Variants in MGLL observed in about 807,000 individuals in gnomAD.
MGLL encodes the protein monoglyceride lipase.
MGLL carries 7 observed loss-of-function variants against 29.1 expected under a neutral mutation model. The ratio of observed to expected loss-of-function variants is 0.24; its 90% confidence interval spans 0.14 to 0.45. The LOEUF (loss-of-function observed/expected upper bound fraction) is 0.45, where lower values mean the gene tolerates loss of function less well. MGLL is among the 20% of genes least tolerant of loss of function. The probability of loss-of-function intolerance (pLI) is 0.99; values close to 1 mark genes in which losing one functional copy is unlikely to be tolerated. For synonymous variants in MGLL, 148 were observed against 168.3 expected (o/e 0.88, Z 0.93); for missense variants, 356 against 413.6 (o/e 0.86, Z 1.21).
intron 5 of MGLL, among the ~76,000 whole-genome samples, chr3:127,719,946 C>T (rs1576499605): frequency 6.6e-6 from 1 of 152,156 alleles, no homozygotes; most frequent in African/African-American, 2.4e-5. Context: ...TTTGCCAAGC[C>T]GAGCCCCATT....
chr3:127,700,736 C>T lies in MGLL; in HGVS notation c.601-5546G>A, dbSNP rs375946066. Among the ~76,000 whole-genome samples the T allele has an allele frequency of 3.1e-4, 47 of 152,322 alleles. 1 individual carries two copies. In the South Asian group the frequency reaches 9.5e-3, roughly 31 times the overall value. ...GGCCACCTGCTGGCCAAGACAGTGTCCACAATGGGAATGAGACTTAGGACC... is the reference window on the plus strand; with the variant it reads ...GGCCACCTGCTGGCCAAGACAGTGTTCACAATGGGAATGAGACTTAGGACC... On this transcript the variant is annotated intron_variant, in intron 6 of 7. Transcript: ENST00000265052.
intron 3 of MGLL, among the ~76,000 whole-genome samples, chr3:127,731,631 G>A (rs879322689): frequency 1.3e-5 from 2 of 152,110 alleles, no homozygotes; most frequent in African/African-American, 4.8e-5. Flanking sequence ...GCATCTGAGA[G>A]CCCTGAAATT....
intron 3 of MGLL, among the ~76,000 whole-genome samples, chr3:127,773,993 C>G (rs747199884): frequency 6.6e-6 from 1 of 152,222 alleles, no homozygotes; most frequent in Non-Finnish European, 1.5e-5. Flanking sequence ...TGTCTTCGCA[C>G]AGCAGCCTCA....
intron 3 of MGLL, among the ~76,000 whole-genome samples, chr3:127,724,863 G>A (rs1263320105): frequency 1.3e-5 from 2 of 151,324 alleles, no homozygotes; most frequent in South Asian, 2.1e-4. Flanking sequence ...CCCTGGGGAC[G>A]TAGTATCACT....
At chr3:127,781,246 GTATGTA>G (rs1249585088) in intron 3 of MGLL, among the ~76,000 whole-genome samples, 2 of 152,208 alleles carry the variant, frequency 1.3e-5, no homozygotes, top group Non-Finnish European at 2.9e-5. Context: ...GTGTGCATGT[GTATGTA>G]TATGTGTATG....
chr3:127,735,850 A>G (rs1475037024), intron 3 of MGLL: 2 of 1,596,398 alleles, frequency 1.3e-6, no homozygotes, highest in Non-Finnish European at 1.7e-6. Flanking sequence ...TTCTGAATCT[A>G]GTCTGCATCT....
At chr3:127,811,748 T>A (rs2077666722) in intron 2 of MGLL, among the ~76,000 whole-genome samples, 1 of 152,244 alleles carries the variant, frequency 6.6e-6, no homozygotes, top group Admixed American at 6.5e-5. Context: ...TGAGAAAGCA[T>A]GATAAACCAC....
At chr3:127,780,777 A>C (rs1454377492) in intron 3 of MGLL, among the ~76,000 whole-genome samples, 1 of 152,242 alleles carries the variant, frequency 6.6e-6, no homozygotes, top group Non-Finnish European at 1.5e-5. Context: ...CTTTTCAGAG[A>C]CATCACTTAA....
intron 2 of MGLL, among the ~76,000 whole-genome samples, chr3:127,818,101 C>T (rs912451012): frequency 6.6e-6 from 1 of 152,186 alleles, no homozygotes; most frequent in Non-Finnish European, 1.5e-5. Flanking sequence ...GCGGGGGCTA[C>T]AGGCGTCTGC....
intron 2 of MGLL, among the ~76,000 whole-genome samples, chr3:127,790,962 G>T (rs897767487): frequency 5.3e-5 from 8 of 152,140 alleles, no homozygotes; most frequent in Non-Finnish European, 1.0e-4. Context: ...CGGCCCCAGT[G>T]CGGTGAGGCC....
rs769336592 is a variant in MGLL, at chr3:127,822,366, G to A, written c.-48C>T. The A allele has an allele frequency of 4.3e-6, 7 of 1,609,524 alleles. No homozygotes were observed. The highest frequency in any genetic ancestry group is 1.7e-5 in the Admixed American group (1 of 60,008). On this transcript the variant is annotated 5_prime_UTR_variant, in exon 1 of 8. Coordinates refer to ENST00000265052, the MANE Select transcript of MGLL (RefSeq NM_007283.7). Reference sequence around the variant, plus strand: ...ACAACCACGACAGCCTGGAGAATCAGAACCAGGCAAATCGGGCTGTTCCCT... The same window carrying A: ...ACAACCACGACAGCCTGGAGAATCAAAACCAGGCAAATCGGGCTGTTCCCT...
At chr3:127,742,043 G>T (rs1236756647) in intron 3 of MGLL, among the ~76,000 whole-genome samples, 1 of 152,118 alleles carries the variant, frequency 6.6e-6, no homozygotes, top group African/African-American at 2.4e-5. Context: ...GATGTCTATG[G>T]AATTCTCAAG....
At chr3:127,796,027 T>C (rs780159454) in intron 2 of MGLL, among the ~76,000 whole-genome samples, 4 of 152,170 alleles carry the variant, frequency 2.6e-5, no homozygotes, top group Non-Finnish European at 4.4e-5. Context: ...CATCTTCCCA[T>C]GGAAATAGCA....
chr3:127,720,834 G>C lies in MGLL; in HGVS notation c.510+219C>G, dbSNP rs144694532. On this transcript the variant is annotated intron_variant, in intron 5 of 7. Coordinates refer to ENST00000265052, the MANE Select transcript of MGLL (RefSeq NM_007283.7). ...TCATCAATAAAACATGCACAAACAG[G>C]AAGGCATTGTCTTTTTGTCTTGGGG... Among the ~76,000 whole-genome samples the C allele has an allele frequency of 7.8e-3, 1,186 of 152,286 alleles. 16 individuals carry two copies. Among genetic ancestry groups the C allele is most frequent in the African/African-American group, 0.026 (1,093 of 41,546 alleles).
intron 3 of MGLL, among the ~76,000 whole-genome samples, chr3:127,780,642 T>C (rs1394393202): frequency 6.6e-6 from 1 of 152,244 alleles, no homozygotes; most frequent in Non-Finnish European, 1.5e-5. Flanking sequence ...CAAATCACAT[T>C]TGCAGCTCTT....
chr3:127,808,411 G>C (rs115973520), intron 2 of MGLL, among the ~76,000 whole-genome samples: 1 of 152,194 alleles, frequency 6.6e-6, no homozygotes. Context: ...AACTTCAGAG[G>C]AGAAAAGTGA....
chr3:127,696,782 C>T (rs1452701591), intron 6 of MGLL, among the ~76,000 whole-genome samples: 1 of 151,950 alleles, frequency 6.6e-6, no homozygotes, highest in East Asian at 1.9e-4. Flanking sequence ...GGAGGGGCCA[C>T]GTGGTGAGGA....
chr3:127,784,446 G>A (rs566524783), intron 2 of MGLL, among the ~76,000 whole-genome samples: 10 of 152,324 alleles, frequency 6.6e-5, no homozygotes, highest in African/African-American at 2.4e-4. Flanking sequence ...AGCCATCGTA[G>A]AAACTTAGAG....
At chr3:127,707,509 T>C (rs1413376119) in intron 6 of MGLL, among the ~76,000 whole-genome samples, 1 of 152,262 alleles carries the variant, frequency 6.6e-6, no homozygotes, top group Non-Finnish European at 1.5e-5. Flanking sequence ...CCTAAATATA[T>C]TGACAAACAT....
Sources: gnomAD v4.1 joint callset for allele counts (sites outside exome capture counted in the v4.1 genomes callset) on GRCh38, gnomAD v4.1.1 for gene constraint, MANE v1.5 for transcripts, NCBI Gene and HGNC (gene_info 2026-07-23, HGNC 2026-07-21) for gene names.